CSMD1: variants seen among roughly 807,000 people sequenced by gnomAD.
CSMD1 encodes the protein CUB and Sushi multiple domains 1.
In CSMD1, 213 loss-of-function variants were observed where a neutral mutation model predicts 417.5. The ratio of observed to expected loss-of-function variants is 0.51; its 90% CI spans 0.46 to 0.57. The LOEUF is 0.57. CSMD1 is among the 20% of genes least tolerant of loss of function. The probability of loss-of-function intolerance (pLI) is 0.00; values close to 1 mark genes in which losing one functional copy is unlikely to be tolerated. For synonymous variants in CSMD1, 2,862 were observed against 1,736.8 expected (o/e 1.65, Z -16.11); for missense variants, 6,923 against 4,529.7 (o/e 1.53, Z -15.17).
chr8:3,915,316 G>A (rs886737697), intron 5 of CSMD1, among the ~76,000 whole-genome samples: 4 of 144,176 alleles, frequency 2.8e-5, no homozygotes, highest in Admixed American at 7.3e-5. Flanking sequence ...TAAGGCAGGA[G>A]AATCATTTGA....
At chr8:3,493,984 G>C (rs1036945357) in intron 10 of CSMD1, among the ~76,000 whole-genome samples, 3 of 152,098 alleles carry the variant, frequency 2.0e-5, no homozygotes, top group African/African-American at 7.2e-5. Flanking sequence ...TTTAACCTCT[G>C]CAACACTTTA....
At chr8:3,277,290 G>C (rs1802369036) in intron 26 of CSMD1, among the ~76,000 whole-genome samples, 1 of 152,126 alleles carries the variant, frequency 6.6e-6, no homozygotes, top group Non-Finnish European at 1.5e-5. Flanking sequence ...AGAGTTCTAA[G>C]CAGAAGTGAG....
intron 1 of CSMD1, among the ~76,000 whole-genome samples, chr8:4,847,071 A>C (rs1245113644): frequency 6.6e-6 from 1 of 152,190 alleles, no homozygotes; most frequent in Non-Finnish European, 1.5e-5. Context: ...AACTTTGTCA[A>C]AATAGGGCAC....
intron 3 of CSMD1, among the ~76,000 whole-genome samples, chr8:4,212,031 C>A (rs1048550946): frequency 2.0e-5 from 3 of 151,912 alleles, no homozygotes; most frequent in African/African-American, 7.3e-5. Context: ...AGCTGTAATG[C>A]AATAAAAGGA....
chr8:4,449,066 T>TA (rs1338848262), intron 2 of CSMD1, among the ~76,000 whole-genome samples: 4 of 152,214 alleles, frequency 2.6e-5, no homozygotes, highest in African/African-American at 4.8e-5. Context: ...AAGGATGCTA[T>TA]AAACCTCTTT....
At chr8:4,422,187 A>G (rs1797286297) in intron 2 of CSMD1, among the ~76,000 whole-genome samples, 1 of 152,162 alleles carries the variant, frequency 6.6e-6, no homozygotes. Context: ...CTACATTTAA[A>G]TAATTAACAC....
Position 3,030,607 on chromosome 8 carries a change from G to C in CSMD1, c.7661-1094C>G, listed in dbSNP as rs185458876. Among the ~76,000 whole-genome samples, 256 of 151,992 alleles carry C rather than the reference G, an allele frequency of 1.7e-3. 2 individuals carry two copies. The highest frequency in any genetic ancestry group is 2.9e-3 in the Non-Finnish European group (200 of 67,932). On this transcript the variant is annotated intron_variant, in intron 50 of 69. Transcript: ENST00000635120. ...TTCTCCTGCCTCAGCCTCCCAAGTT[G>C]CTGGGACTATGGGGATACAGATGTC...
At chr8:4,310,639 C>T (rs994209951) in intron 3 of CSMD1, among the ~76,000 whole-genome samples, 1 of 152,080 alleles carries the variant, frequency 6.6e-6, no homozygotes, top group African/African-American at 2.4e-5. Flanking sequence ...ATGAGTCAGA[C>T]ACATTTGACC....
chr8:4,644,285 C>G (rs1245804856), intron 1 of CSMD1, among the ~76,000 whole-genome samples: 2 of 152,182 alleles, frequency 1.3e-5, no homozygotes, highest in Non-Finnish European at 2.9e-5. Flanking sequence ...GTCCAGCTAC[C>G]CGAAATGAGC....
At chr8:3,740,918 A>G (rs1174968949) in intron 6 of CSMD1, among the ~76,000 whole-genome samples, 1 of 152,074 alleles carries the variant, frequency 6.6e-6, no homozygotes, top group Non-Finnish European at 1.5e-5. Flanking sequence ...AACTGGGATC[A>G]GAAGAAGATA....
chr8:3,222,257 T>C (rs1183377453), intron 28 of CSMD1, among the ~76,000 whole-genome samples: 2 of 152,098 alleles, frequency 1.3e-5, no homozygotes, highest in Admixed American at 6.5e-5. Context: ...ATGCATATCA[T>C]CAAATGAGTT....
At chr8:3,415,646 C>T (rs1813087888) in intron 12 of CSMD1, among the ~76,000 whole-genome samples, 1 of 152,170 alleles carries the variant, frequency 6.6e-6, no homozygotes, top group Admixed American at 6.5e-5. Flanking sequence ...AGGCGTGAGC[C>T]ATTGTGCCTG....
At chr8:3,878,475 T>C (rs567853491) in intron 5 of CSMD1, among the ~76,000 whole-genome samples, 1 of 152,318 alleles carries the variant, frequency 6.6e-6, no homozygotes, top group Non-Finnish European at 1.5e-5. Flanking sequence ...GACTCTTAAA[T>C]ATTAACTAAG....
chr8:3,857,911 C>A (rs927543566), intron 5 of CSMD1, among the ~76,000 whole-genome samples: 3 of 152,226 alleles, frequency 2.0e-5, no homozygotes, highest in South Asian at 4.1e-4. Context: ...TTAAAATTGA[C>A]CAGGCTTTGG....
intron 5 of CSMD1, among the ~76,000 whole-genome samples, chr8:3,951,052 G>A (rs993746779): frequency 6.6e-6 from 1 of 152,136 alleles, no homozygotes; most frequent in Non-Finnish European, 1.5e-5. Context: ...TTTTAAAGCT[G>A]TTTCAACTAT....
chr8:4,364,702 G>C (rs1178720388), intron 3 of CSMD1, among the ~76,000 whole-genome samples: 1 of 58,182 alleles, frequency 1.7e-5, no homozygotes, highest in East Asian at 4.5e-4. Context: ...GCGGGCGCCT[G>C]TAGTCCCAGC....
chr8:4,539,546 G>T (rs190344967), intron 2 of CSMD1, among the ~76,000 whole-genome samples: 1 of 152,124 alleles, frequency 6.6e-6, no homozygotes, highest in Non-Finnish European at 1.5e-5. Flanking sequence ...AACATATTTA[G>T]CAAACTTCCA....
intron 6 of CSMD1, among the ~76,000 whole-genome samples, chr8:3,718,425 G>C (rs2129043597): frequency 6.6e-6 from 1 of 152,200 alleles, no homozygotes; most frequent in Admixed American, 6.5e-5. Context: ...TCCTTGGTCA[G>C]GAAAATCATC....
intron 9 of CSMD1, among the ~76,000 whole-genome samples, chr8:3,582,432 G>A (rs1236602704): frequency 6.6e-6 from 1 of 152,138 alleles, no homozygotes; most frequent in East Asian, 1.9e-4. Context: ...TATTTTAATT[G>A]AAGAAAGAGT....
Sources: gnomAD v4.1 joint callset for allele counts (sites outside exome capture counted in the v4.1 genomes callset) on GRCh38, gnomAD v4.1.1 for gene constraint, MANE v1.5 for transcripts, NCBI Gene and HGNC (gene_info 2026-07-23, HGNC 2026-07-21) for gene names.